Variants in WNT2 observed in about 807,000 individuals in gnomAD.
WNT2 encodes Wnt family member 2, also known as protein Wnt-2.
A neutral mutation model predicts 36.9 loss-of-function variants in WNT2; 12 were observed. The ratio of observed to expected loss-of-function variants is 0.33; its 90% CI spans 0.21 to 0.53. The LOEUF is 0.53. Among genes scored for constraint, WNT2 ranks in the 20% least tolerant of loss-of-function variants. The pLI is 0.95. For missense variants in WNT2, 379 were observed against 473.1 expected, an observed-to-expected ratio of 0.80 and a Z score of 1.84; for synonymous variants, 163 against 174.6, an observed-to-expected ratio of 0.93 and a Z score of 0.52.
chr7:117,278,755 C>A (rs1011195608), intron 4 of WNT2, among the ~76,000 whole-genome samples: 2 of 152,182 alleles, frequency 1.3e-5, no homozygotes. Flanking sequence ...AAGAAGGATC[C>A]ATCCTGGCTC....
Position 117,315,054 on chromosome 7 carries a change from C to T in WNT2, c.588+17G>A, listed in dbSNP as rs1363542743. 1.9e-6 allele frequency: 3 copies of T among 1,612,142 alleles called. No individual in the cohort carries two copies. Among genetic ancestry groups the T allele is most frequent in the Non-Finnish European group, 2.5e-6 (3 of 1,178,890 alleles). On this transcript the variant is annotated intron_variant, in intron 3 of 4. Transcript: ENST00000265441. The stretch of plus-strand genomic sequence containing the variant: ...AGCCATGCAGCCTACAAAATGAGCA[C>T]CGTTGCATTTCCATACCTTCCTGCC...
In WNT2 at chr7:117,303,652, C is replaced by G. The variant is rs552101985; in HGVS notation, c.589-5776G>C. On this transcript the variant is annotated intron_variant, in intron 3 of 4. Transcript: ENST00000265441. Reference sequence around the variant, plus strand: ...AGAATGAGTGACTAAAGTCGAGGACCTCTGTTCTGTAACTATAAGTAAATT... The same window carrying G: ...AGAATGAGTGACTAAAGTCGAGGACGTCTGTTCTGTAACTATAAGTAAATT... Among the ~76,000 whole-genome samples, 9 of 152,210 alleles carry G rather than the reference C, an allele frequency of 5.9e-5. No homozygotes were observed. In the South Asian group the frequency reaches 1.7e-3, roughly 28 times the overall value.
chr7:117,297,968 C>A, intron 3 of WNT2, 92 bp from the exon 4 acceptor site: 1 of 1,467,936 alleles, frequency 6.8e-7, no homozygotes, highest in South Asian at 1.4e-5. Flanking sequence ...AGAAGTGATT[C>A]TCAGGATGCT....
intron 4 of WNT2, among the ~76,000 whole-genome samples, chr7:117,289,051 C>CTTTTTTTT (rs1187027317): frequency 1.1e-5 from 1 of 89,440 alleles, no homozygotes; most frequent in Non-Finnish European, 2.1e-5. Context: ...TCACGTTAGA[C>CTTTTTTTT]TTTTTTTTTT....
At chr7:117,302,265 C>T (rs191042227) in intron 3 of WNT2, among the ~76,000 whole-genome samples, 179 of 152,176 alleles carry the variant, frequency 1.2e-3, no homozygotes, top group Middle Eastern at 6.8e-3. Context: ...ATACAAAGTA[C>T]TAACAAAAGG....
intron 4 of WNT2, among the ~76,000 whole-genome samples, chr7:117,296,363 C>A (rs1379932507): frequency 6.6e-6 from 1 of 152,146 alleles, no homozygotes; most frequent in African/African-American, 2.4e-5. Flanking sequence ...GCAATTCAAC[C>A]ACTCAGGGGC....
chr7:117,320,707 C>A lies in WNT2; in HGVS notation c.170G>T (p.Arg57Leu). 1 of 1,613,974 alleles carries A rather than the reference C, an allele frequency of 6.2e-7. No individual in the cohort carries two copies. The change falls in exon 2 of 5, where the codon CGA becomes CTA. Residue 57 changes from arginine (R) to leucine (L), a missense_variant. By Grantham distance (102) the Arg-to-Leu change is moderately radical (BLOSUM62 -2). Transcript: ENST00000265441. ...LVSSQRQLCHRHPDVMRAISQ... is the reference protein window; with the variant it reads ...LVSSQRQLCHLHPDVMRAISQ... ...AATGGCACGCATCACATCTGGATGT[C>A]GGTGACACAGCTGCCGCTGGCTGCT...
At chr7:117,305,548 C>T (rs563585443) in intron 3 of WNT2, among the ~76,000 whole-genome samples, 1 of 152,054 alleles carries the variant, frequency 6.6e-6, no homozygotes, top group African/African-American at 2.4e-5. Context: ...ATATGATAAT[C>T]CTTGGACAGT....
At chr7:117,312,646 G>A (rs1225983393) in intron 3 of WNT2, among the ~76,000 whole-genome samples, 1 of 152,156 alleles carries the variant, frequency 6.6e-6, no homozygotes, top group African/African-American at 2.4e-5. Context: ...GTCCTAATTG[G>A]AGGTGGAAAA....
intron 3 of WNT2, among the ~76,000 whole-genome samples, chr7:117,314,734 T>C (rs1308767728): frequency 3.3e-5 from 5 of 152,208 alleles, no homozygotes; most frequent in Non-Finnish European, 7.3e-5. Context: ...CAGTGTAACA[T>C]TGCTATGTGG....
At chr7:117,279,540 G>T (rs79792025) in intron 4 of WNT2, among the ~76,000 whole-genome samples, 260 of 152,280 alleles carry the variant, frequency 1.7e-3, no homozygotes, top group African/African-American at 6.0e-3. Flanking sequence ...GAGGTCTGTG[G>T]ACTCGAGGAG....
intron 3 of WNT2, among the ~76,000 whole-genome samples, chr7:117,305,353 C>T (rs1794994940): frequency 6.6e-6 from 1 of 152,106 alleles, no homozygotes; most frequent in Admixed American, 6.5e-5. Context: ...CTCTAATCGT[C>T]ACTTTTTCAA....
chr7:117,306,205 T>C (rs1019294047), intron 3 of WNT2, among the ~76,000 whole-genome samples: 11 of 152,194 alleles, frequency 7.2e-5, no homozygotes, highest in Admixed American at 4.6e-4. Context: ...AAACCCTTTT[T>C]TTTCTATTAC....
At chr7:117,296,152 C>A (rs1293384963) in intron 4 of WNT2, among the ~76,000 whole-genome samples, 4 of 152,162 alleles carry the variant, frequency 2.6e-5, no homozygotes, top group African/African-American at 9.7e-5. Context: ...CTGGGACAAT[C>A]CTGTATCCAA....
At chr7:117,302,307 G>C (rs969138860) in intron 3 of WNT2, among the ~76,000 whole-genome samples, 3 of 152,248 alleles carry the variant, frequency 2.0e-5, no homozygotes, top group Non-Finnish European at 4.4e-5. Context: ...TTAGTAACTG[G>C]AGAAATGCAA....
intron 2 of WNT2, among the ~76,000 whole-genome samples, chr7:117,318,611 C>T (rs1306436133): frequency 6.6e-6 from 1 of 152,214 alleles, no homozygotes; most frequent in African/African-American, 2.4e-5. Context: ...TATGTTGGCT[C>T]ACTGCAACCT....
intron 4 of WNT2, among the ~76,000 whole-genome samples, chr7:117,282,018 T>C (rs901782466): frequency 2.6e-5 from 4 of 152,120 alleles, no homozygotes; most frequent in African/African-American, 7.2e-5. Flanking sequence ...ACTTTAAGAT[T>C]ATTTTAGGCC....
At chr7:117,283,524 C>T (rs1794531615) in intron 4 of WNT2, among the ~76,000 whole-genome samples, 1 of 152,168 alleles carries the variant, frequency 6.6e-6, no homozygotes, top group African/African-American at 2.4e-5. Context: ...GTCTTTCTTT[C>T]CTGAGTGGCT....
intron 4 of WNT2, among the ~76,000 whole-genome samples, chr7:117,279,792 C>A (rs951268947): frequency 6.6e-6 from 1 of 152,046 alleles, no homozygotes; most frequent in Non-Finnish European, 1.5e-5. Flanking sequence ...ATTGATAAAC[C>A]TAGAGAAGCT....
Sources: gnomAD v4.1 joint callset for allele counts (sites outside exome capture counted in the v4.1 genomes callset) on GRCh38, gnomAD v4.1.1 for gene constraint, MANE v1.5 for transcripts, NCBI Gene and HGNC (gene_info 2026-07-23, HGNC 2026-07-21) for gene names.